The following TNS3 variants were observed in gnomAD, a reference collection of about 807,000 sequenced individuals.
The protein encoded by TNS3 is tensin 3.
A neutral mutation model predicts 140.9 loss-of-function variants in TNS3; 45 were observed. The observed-to-expected ratio is 0.32, with a 90% CI of 0.25 to 0.41. The LOEUF is 0.41. TNS3 is among the 10% of genes least tolerant of loss of function. The pLI is 1.00. For synonymous variants in TNS3, 815 were observed against 788.4 expected, an observed-to-expected ratio of 1.03 and a Z score of -0.56; for missense variants, 1,716 against 1,906.7, an observed-to-expected ratio of 0.90 and a Z score of 1.86.
At chr7:47,489,651 T>C (rs1343384846) in intron 3 of TNS3, among the ~76,000 whole-genome samples, 1 of 152,250 alleles carries the variant, frequency 6.6e-6, no homozygotes, top group Admixed American at 6.5e-5. Flanking sequence ...AGCAAAAGCA[T>C]AGTATCCTGT....
At chr7:47,474,207 AAC>A (rs1353247153) in intron 4 of TNS3, among the ~76,000 whole-genome samples, 1 of 150,498 alleles carries the variant, frequency 6.6e-6, no homozygotes, top group Admixed American at 6.6e-5. Flanking sequence ...GCACACAAAA[AAC>A]ACCTCACACA....
chr7:47,424,276 G>C, intron 9 of TNS3, 92 bp from the exon 10 acceptor site: 2 of 1,267,864 alleles, frequency 1.6e-6, no homozygotes, highest in Non-Finnish European at 2.2e-6. Flanking sequence ...GCTGTTCAAA[G>C]CGACCAGCTC....
At chr7:47,318,028 A>G (rs1787510335) in intron 20 of TNS3, among the ~76,000 whole-genome samples, 1 of 152,186 alleles carries the variant, frequency 6.6e-6, no homozygotes, top group Non-Finnish European at 1.5e-5. Context: ...TTTTTCGTAC[A>G]CCAACTATCT....
chr7:47,314,347 G>A (rs993759693), intron 20 of TNS3, among the ~76,000 whole-genome samples: 2 of 152,208 alleles, frequency 1.3e-5, no homozygotes, highest in Non-Finnish European at 2.9e-5. Flanking sequence ...ATGTGCCCAT[G>A]CTTAACGGAA....
chr7:47,388,619 C>T (rs992654591), intron 16 of TNS3, among the ~76,000 whole-genome samples: 7 of 152,176 alleles, frequency 4.6e-5, no homozygotes, highest in African/African-American at 1.2e-4. Context: ...AATCCCAGCA[C>T]TTTGGGAGGC....
At chr7:47,538,196 C>T (rs1376099239) in intron 1 of TNS3, among the ~76,000 whole-genome samples, 2 of 152,148 alleles carry the variant, frequency 1.3e-5, no homozygotes, top group African/African-American at 4.8e-5. Context: ...AGGCAGATCC[C>T]TCCTTTCAAT....
At chr7:47,526,316 A>G (rs1236322134) in intron 2 of TNS3, among the ~76,000 whole-genome samples, 1 of 152,194 alleles carries the variant, frequency 6.6e-6, no homozygotes, top group Non-Finnish European at 1.5e-5. Context: ...CTCTGTGTCT[A>G]AGGAGCTCCC....
intron 17 of TNS3, among the ~76,000 whole-genome samples, chr7:47,357,659 T>C (rs775154893): frequency 6.6e-6 from 1 of 152,060 alleles, no homozygotes; most frequent in Non-Finnish European, 1.5e-5. Flanking sequence ...GGAAGAGCCT[T>C]CCCCTCCCAG....
rs777927417 is a variant in TNS3 at position 47,384,312 on chromosome 7, AC to A, written c.1024+12487del. Among the ~76,000 whole-genome samples, 5 of 152,044 alleles carry A rather than the reference AC, an allele frequency of 3.3e-5. No individual in the cohort carries two copies. The East Asian group carries it at 7.7e-4, about 24-fold the overall frequency. ...GGAAGGGGCAGCCTGTGCCTCCTGCACTCCACTTCAGAACACTTTCACCCAA... is the reference window on the plus strand; with the variant it reads ...GGAAGGGGCAGCCTGTGCCTCCTGCATCCACTTCAGAACACTTTCACCCAA... On this transcript the variant is annotated intron_variant, in intron 16 of 30. Transcript: ENST00000311160.
intron 4 of TNS3, chr7:47,452,952 G>C (rs1303927859): frequency 1.0e-5 from 10 of 985,404 alleles, no homozygotes; most frequent in Non-Finnish European, 9.6e-6. Flanking sequence ...CCTGGGCAGG[G>C]ACCACCGGCC....
chr7:47,572,101 C>T (rs949970222), intron 1 of TNS3, among the ~76,000 whole-genome samples: 1 of 152,206 alleles, frequency 6.6e-6, no homozygotes, highest in African/African-American at 2.4e-5. Context: ...GCACAGACAA[C>T]CAGACACCCG....
intron 3 of TNS3, among the ~76,000 whole-genome samples, chr7:47,483,162 G>C (rs1311709494): frequency 3.1e-5 from 4 of 131,096 alleles, no homozygotes; most frequent in East Asian, 2.3e-4. Flanking sequence ...AGGAAGAAGA[G>C]TGTGTCCAAT....
intron 1 of TNS3, chr7:47,557,248 T>C (rs1466363262): frequency 2.4e-6 from 1 of 414,580 alleles, no homozygotes; most frequent in African/African-American, 2.0e-5. Context: ...CTTTTCGTCT[T>C]TCCTCAGGGT....
chr7:47,450,247 T>C (rs189953304), intron 4 of TNS3, among the ~76,000 whole-genome samples: 147 of 152,338 alleles, frequency 9.6e-4, no homozygotes, highest in African/African-American at 3.4e-3. Context: ...CCATTGACTT[T>C]AACAGGCTTA....
chr7:47,296,938 TA>T, intron 24 of TNS3, 143 bp downstream of exon 24: 3 of 1,108,982 alleles, frequency 2.7e-6, no homozygotes, highest in Non-Finnish European at 3.7e-6. Context: ...GAAAACTTTG[TA>T]AAATATACCT....
At chr7:47,515,713 C>T (rs1798757869) in intron 2 of TNS3, among the ~76,000 whole-genome samples, 1 of 151,966 alleles carries the variant, frequency 6.6e-6, no homozygotes, top group South Asian at 2.1e-4. Flanking sequence ...ACGCCACCAC[C>T]CACCATCACC....
intron 1 of TNS3, among the ~76,000 whole-genome samples, chr7:47,563,179 G>A (rs1351489889): frequency 2.0e-5 from 3 of 152,210 alleles, no homozygotes. Context: ...AGCTGCATGG[G>A]CACCTGCCAG....
At chr7:47,279,790 T>C (rs1785045640) in intron 30 of TNS3, 2 of 257,884 alleles carry the variant, frequency 7.8e-6, no homozygotes, top group African/African-American at 2.3e-5. Context: ...TTTGGTAAAT[T>C]TGGAACACCC....
intron 28 of TNS3, 83 bp from the exon 29 acceptor site, chr7:47,280,437 T>C (rs1163962701): frequency 1.3e-5 from 15 of 1,198,582 alleles, no homozygotes; most frequent in African/African-American, 7.5e-5. Context: ...GGCTCTCCCA[T>C]ACATGAAGAT....
Sources: allele counts gnomAD v4.1 joint callset (sites outside exome capture counted in the v4.1 genomes callset), GRCh38; gene constraint gnomAD v4.1.1; transcripts MANE v1.5; gene names NCBI Gene and HGNC (gene_info 2026-07-23, HGNC 2026-07-21).